MICAL2: variants seen among roughly 807,000 people sequenced by gnomAD.
MICAL2 encodes [F-actin]-monooxygenase MICAL2.
In MICAL2, 77 loss-of-function variants were observed where a neutral mutation model predicts 127.3. The observed-to-expected ratio is 0.60, with a 90% CI of 0.50 to 0.73. The LOEUF is 0.73. MICAL2 is among the 30% of genes least tolerant of loss of function. The pLI is 0.00. For missense variants in MICAL2, 1,351 were observed against 1,434.4 expected (o/e 0.94, Z 0.94); for synonymous variants, 570 against 551.1 (o/e 1.03, Z -0.48).
Position 12,150,543 on chromosome 11 carries a change from C to A in MICAL2, c.-77-11536C>A, listed in dbSNP as rs562522618. ...GCTCTGGGTGGGGCGGCTCTGCAGT[C>A]GTCCTGGGCTCCAGGTGTGGTACCA... On this transcript the variant is annotated intron_variant, in intron 2 of 27. Transcript: ENST00000683283. Among the ~76,000 whole-genome samples the A allele has an allele frequency of 2.0e-5, 3 of 152,270 alleles. No individual in the cohort carries two copies. In the South Asian group the frequency reaches 6.2e-4, roughly 32 times the overall value.
chr11:12,292,420 C>G (rs1304528511), downstream of MICAL2: 3 of 1,030,252 alleles, frequency 2.9e-6, no homozygotes, highest in African/African-American at 4.8e-5. Flanking sequence ...AAAGCCAGCG[C>G]CAGAAGATAC....
rs185557215 is a variant in MICAL2 at position 12,255,721 on chromosome 11, C to A, written c.2926C>A (p.Pro976Thr). Residue 976 changes from proline (P) to threonine (T), a missense_variant, in exon 23 of 28, where the codon CCT (proline) becomes ACT (threonine). By Grantham distance (38) the Pro-to-Thr change is conservative. This residue lies in a region of MICAL2 where 752 missense variants were observed against 719.4 expected (regional missense o/e 1.05). Coordinates refer to ENST00000683283, the MANE Select transcript of MICAL2 (RefSeq NM_001282663.2). Reference protein sequence around the residue: ...LVNLYMNDHRPKAQATSPDLE... With the variant: ...LVNLYMNDHRTKAQATSPDLE... ...CAATCTGTACATGAATGATCACAGA[C>A]CTAAGGCCCAGGCCACCTCTCCAGA... The A allele has an allele frequency of 3.4e-5, 55 of 1,613,936 alleles. No individual in the cohort carries two copies. Among genetic ancestry groups the A allele is most frequent in the Non-Finnish European group, 4.6e-5 (54 of 1,179,910 alleles).
chr11:12,328,074 C>T (rs1864374793), intron 32 of MICAL2, among the ~76,000 whole-genome samples: 1 of 152,226 alleles, frequency 6.6e-6, no homozygotes, highest in Non-Finnish European at 1.5e-5. Context: ...TAAGTTAACA[C>T]ATTGCCTGGC....
At chr11:12,174,496 G>A (rs1856623368) in intron 3 of MICAL2, among the ~76,000 whole-genome samples, 1 of 152,028 alleles carries the variant, frequency 6.6e-6, no homozygotes, top group Non-Finnish European at 1.5e-5. Flanking sequence ...AGGTTCATCT[G>A]TGACATATGC....
chr11:12,255,399 A>G (rs1378681925), intron 22 of MICAL2: 2 of 508,982 alleles, frequency 3.9e-6, no homozygotes, highest in African/African-American at 3.8e-5. Context: ...TCTAGGTACC[A>G]CATATAAGTG....
intron 24 of MICAL2, among the ~76,000 whole-genome samples, chr11:12,258,266 C>G (rs1456607236): frequency 6.6e-6 from 1 of 152,168 alleles, no homozygotes; most frequent in African/African-American, 2.4e-5. Flanking sequence ...GTCTCTGAGG[C>G]AGCAAAGGGC....
At chr11:12,286,573 T>C (rs1173227837) in intron 2 of MICAL2, among the ~76,000 whole-genome samples, 1 of 152,152 alleles carries the variant, frequency 6.6e-6, no homozygotes, top group African/African-American at 2.4e-5. Context: ...CATAGCAGGG[T>C]CTCAAATATT....
chr11:12,350,935 C>T (rs560722049), intron 33 of MICAL2, among the ~76,000 whole-genome samples: 1 of 152,110 alleles, frequency 6.6e-6, no homozygotes, highest in Admixed American at 6.5e-5. Flanking sequence ...TTGCCCTTTC[C>T]ACTTTTTCTG....
intron 2 of MICAL2, among the ~76,000 whole-genome samples, chr11:12,152,503 C>T (rs1353098004): frequency 6.6e-6 from 1 of 151,916 alleles, no homozygotes; most frequent in African/African-American, 2.4e-5. Flanking sequence ...AGTGTTCTTC[C>T]TGGGTAGGGC....
intron 1 of MICAL2, among the ~76,000 whole-genome samples, chr11:12,137,643 A>G (rs2171151): frequency 0.9 from 136,337 of 152,182 alleles, 62,083 homozygotes; most frequent in Non-Finnish European, 0.99. Context: ...ACTCTGTTGA[A>G]CAAAGTGTGC....
In MICAL2 at chr11:12,242,363, C is replaced by T. The variant is rs757911616; in HGVS notation, c.2487C>T (p.Thr829=). The change falls in exon 19 of 28, where the codon ACC becomes ACT. Residue 829 remains threonine, a synonymous_variant. Transcript: ENST00000683283. The stretch of plus-strand genomic sequence containing the variant: ...AAAATTTCGCTACCCTGCCTTCTAC[C>T]CGCCCGAGGGCGCAGGCTCTTTCCG... The part of the protein sequence containing the change: ...GTENFATLPS[T]RPRAQALSGV... 1 of 1,614,072 alleles carries T rather than the reference C, an allele frequency of 6.2e-7. No homozygotes were observed. Among genetic ancestry groups the T allele is most frequent in the South Asian group, 1.1e-5 (1 of 91,072 alleles).
At chr11:12,160,494 C>G (rs755443921) in intron 2 of MICAL2, among the ~76,000 whole-genome samples, 1 of 152,196 alleles carries the variant, frequency 6.6e-6, no homozygotes, top group African/African-American at 2.4e-5. Context: ...ACATCCCCAC[C>G]GCACCTCCTC....
At chr11:12,111,552 G>A (rs1849608527) in intron 1 of MICAL2, among the ~76,000 whole-genome samples, 1 of 152,278 alleles carries the variant, frequency 6.6e-6, no homozygotes, top group East Asian at 1.9e-4. Flanking sequence ...ATGAGGGGAT[G>A]TGGAAACCAG....
chr11:12,293,868 T>C (rs1276397813), downstream of MICAL2: 1 of 1,609,208 alleles, frequency 6.2e-7, no homozygotes, highest in Non-Finnish European at 8.5e-7. Flanking sequence ...GGGCAAGAGC[T>C]ATCTCCCTTG....
intron 2 of MICAL2, among the ~76,000 whole-genome samples, chr11:12,156,636 T>C (rs1379828384): frequency 6.6e-6 from 1 of 152,082 alleles, no homozygotes; most frequent in East Asian, 1.9e-4. Flanking sequence ...AGTGCCCTGG[T>C]AGGTGGAAAG....
intron 4 of MICAL2, among the ~76,000 whole-genome samples, chr11:12,204,843 T>A (rs978557693): frequency 6.6e-5 from 10 of 152,180 alleles, no homozygotes; most frequent in Admixed American, 4.6e-4. Flanking sequence ...TTGTTGGTGG[T>A]AATGTGTTCA....
intron 2 of MICAL2, among the ~76,000 whole-genome samples, chr11:12,152,297 CAAAAAAAAAAA>C (rs540812572): frequency 0.14 from 5,565 of 38,482 alleles, 385 homozygotes; most frequent in Admixed American, 0.43. Context: ...GACTCTGTCT[CAAAAAAAAAAA>C]AAAAAAAAAA....
At chr11:12,261,807 C>T (rs986518024) in intron 26 of MICAL2, 13 of 985,520 alleles carry the variant, frequency 1.3e-5, no homozygotes, top group East Asian at 1.1e-4. Flanking sequence ...GTTCTCAGTC[C>T]GATGACTTGC....
At chr11:12,203,570 G>T (rs1203741115) in intron 3 of MICAL2, among the ~76,000 whole-genome samples, 1 of 152,158 alleles carries the variant, frequency 6.6e-6, no homozygotes, top group Non-Finnish European at 1.5e-5. Flanking sequence ...CTGAAGAAAG[G>T]TCTACTAAAA....
Sources: allele counts gnomAD v4.1 joint callset (sites outside exome capture counted in the v4.1 genomes callset), GRCh38; gene constraint gnomAD v4.1.1; regional missense constraint gnomAD v4.1.1; transcripts MANE v1.5; gene names NCBI Gene and HGNC (gene_info 2026-07-23, HGNC 2026-07-21).